The following RBFOX1 variants were observed in gnomAD, a reference collection of about 807,000 sequenced individuals.
The protein encoded by RBFOX1 is RNA binding protein fox-1 homolog 1.
A neutral mutation model predicts 57.7 loss-of-function variants in RBFOX1; 8 were observed. The ratio of observed to expected loss-of-function variants is 0.14; its 90% CI spans 0.08 to 0.25. The LOEUF is 0.25. Among genes scored for constraint, RBFOX1 ranks in the 10% least tolerant of loss-of-function variants. The pLI, the probability that RBFOX1 is intolerant of heterozygous loss-of-function variation, is 1.00. For synonymous variants in RBFOX1, 326 were observed against 222.4 expected (o/e 1.47, Z -4.15); for missense variants, 611 against 548.5 (o/e 1.11, Z -1.14).
intron 3 of RBFOX1, among the ~76,000 whole-genome samples, chr16:7,027,839 G>A (rs1335527953): frequency 6.6e-6 from 1 of 151,632 alleles, no homozygotes; most frequent in Non-Finnish European, 1.5e-5. Context: ...GGTGGAGGAG[G>A]TGGGAGAGAG....
At chr16:7,475,018 A>G (rs139095817) in intron 4 of RBFOX1, among the ~76,000 whole-genome samples, 80 of 152,282 alleles carry the variant, frequency 5.3e-4, no homozygotes, top group African/African-American at 1.4e-3. Context: ...GTTCCACACA[A>G]TCCAGCTGTT....
intron 1 of RBFOX1, among the ~76,000 whole-genome samples, chr16:5,385,394 G>A (rs1026804845): frequency 6.6e-6 from 1 of 152,142 alleles, no homozygotes. Flanking sequence ...CTAATGTATT[G>A]GATTAAAATG....
intron 1 of RBFOX1, among the ~76,000 whole-genome samples, chr16:6,309,273 G>C (rs923326606): frequency 2.6e-5 from 4 of 152,054 alleles, no homozygotes; most frequent in African/African-American, 9.7e-5. Flanking sequence ...TGTTATCTCT[G>C]GCGGGTTCAA....
chr16:5,348,537 G>A (rs1291915242), intron 1 of RBFOX1, among the ~76,000 whole-genome samples: 1 of 152,178 alleles, frequency 6.6e-6, no homozygotes, highest in African/African-American at 2.4e-5. Flanking sequence ...AGAAGTGGAG[G>A]AGCCTGGGTT....
intron 3 of RBFOX1, among the ~76,000 whole-genome samples, chr16:7,029,104 A>G (rs1350108386): frequency 9.5e-6 from 1 of 105,448 alleles, no homozygotes; most frequent in Non-Finnish European, 1.8e-5. Context: ...ACACACACAC[A>G]CACACACACA....
chr16:7,368,098 C>G (rs935479209), intron 4 of RBFOX1, among the ~76,000 whole-genome samples: 6 of 152,004 alleles, frequency 3.9e-5, no homozygotes, highest in African/African-American at 1.2e-4. Flanking sequence ...GAAACCCCAT[C>G]TTTACTAAAA....
At chr16:6,883,831 T>TC (rs1478976238) in intron 3 of RBFOX1, among the ~76,000 whole-genome samples, 10 of 152,150 alleles carry the variant, frequency 6.6e-5, no homozygotes, top group Admixed American at 6.5e-5. Context: ...ATCTCTTTTT[T>TC]CCCCCTAGGA....
intron 2 of RBFOX1, among the ~76,000 whole-genome samples, chr16:5,508,641 G>A (rs990105725): frequency 1.3e-5 from 2 of 152,000 alleles, no homozygotes; most frequent in Admixed American, 6.6e-5. Flanking sequence ...ACTGCACAGA[G>A]CGATTGTACA....
chr16:6,893,855 A>G lies in RBFOX1; in HGVS notation c.-15-158202A>G, dbSNP rs377106214. On this transcript the variant is annotated intron_variant, in intron 3 of 15. Coordinates refer to ENST00000550418, the MANE Select transcript of RBFOX1 (RefSeq NM_018723.4). ...TAATACTTCAGGGCCAATGGAATGAATTGTATGGGGAATAGTTTAGGTTGT... is the reference window on the plus strand; with the variant it reads ...TAATACTTCAGGGCCAATGGAATGAGTTGTATGGGGAATAGTTTAGGTTGT... 1.7e-4 allele frequency among the ~76,000 whole-genome samples: 26 copies of G among 152,294 alleles called. No individual in the cohort carries two copies. In the East Asian group the frequency reaches 3.7e-3, roughly 22 times the overall value.
intron 4 of RBFOX1, among the ~76,000 whole-genome samples, chr16:7,472,516 T>G (rs2061753762): frequency 6.6e-6 from 1 of 152,226 alleles, no homozygotes; most frequent in African/African-American, 2.4e-5. Flanking sequence ...TATGAAAATC[T>G]TTATTTTAGA....
At chr16:6,514,856 A>G (rs1229821377) in intron 2 of RBFOX1, among the ~76,000 whole-genome samples, 1 of 152,054 alleles carries the variant, frequency 6.6e-6, no homozygotes, top group Non-Finnish European at 1.5e-5. Context: ...AGTTTCCAAT[A>G]ATAATGATAA....
At chr16:7,524,442 C>T (rs2078220790) in intron 5 of RBFOX1, among the ~76,000 whole-genome samples, 1 of 152,096 alleles carries the variant, frequency 6.6e-6, no homozygotes, top group South Asian at 2.1e-4. Flanking sequence ...CTGACAGAGC[C>T]AATACTGTAT....
chr16:5,962,619 A>G (rs1050870746), intron 4 of RBFOX1, among the ~76,000 whole-genome samples: 1 of 152,110 alleles, frequency 6.6e-6, no homozygotes, highest in African/African-American at 2.4e-5. Context: ...TCATTCACTG[A>G]GCAAATGTTG....
At chr16:6,801,177 G>GCAAGAAT (rs1470536089) in intron 3 of RBFOX1, among the ~76,000 whole-genome samples, 1 of 145,496 alleles carries the variant, frequency 6.9e-6, no homozygotes, top group Non-Finnish European at 1.5e-5. Context: ...ACTGTGAATG[G>GCAAGAAT]CAAGAATCAA....
At chr16:5,595,239 A>C (rs952265757) in intron 2 of RBFOX1, among the ~76,000 whole-genome samples, 3 of 152,194 alleles carry the variant, frequency 2.0e-5, no homozygotes, top group Admixed American at 2.0e-4. Context: ...ATCACCTTCT[A>C]ATGCCACCTC....
intron 2 of RBFOX1, among the ~76,000 whole-genome samples, chr16:5,598,254 G>A (rs2047253150): frequency 6.6e-6 from 1 of 151,872 alleles, no homozygotes; most frequent in African/African-American, 2.4e-5. Flanking sequence ...AAAAAGTAGT[G>A]CATAGCATTG....
rs546385107 is a variant in RBFOX1, at chr16:7,178,253, A to G, written c.27+126155A>G. Among the ~76,000 whole-genome samples, 276 of 152,364 alleles carry G rather than the reference A, an allele frequency of 1.8e-3. 1 individual carries two copies. The highest frequency in any genetic ancestry group is 3.4e-3 in the Middle Eastern group (1 of 294). ...AGTGATTCAATTTGTCAGAGGCACT[A>G]TCAGCCTGTCGCTTTAGTTTCTGCA... On this transcript the variant is annotated intron_variant, in intron 4 of 15. Transcript: ENST00000550418.
rs2059258558 is a variant in RBFOX1, at chr16:5,940,547, A to C, written c.351+73212A>C. ...TCACAGGGAGGTTTGTAGAATTTTAATGACAGCTTGCTTTGGGAAATTATA... is the reference window on the plus strand; with the variant it reads ...TCACAGGGAGGTTTGTAGAATTTTACTGACAGCTTGCTTTGGGAAATTATA... On this transcript the variant is annotated intron_variant, in intron 4 of 19. Coordinates refer to the RBFOX1 transcript ENST00000641259. Among the ~76,000 whole-genome samples the C allele has an allele frequency of 2.6e-5, 4 of 152,312 alleles. No individual in the cohort carries two copies. The South Asian group carries it at 8.3e-4, about 32-fold the overall frequency.
chr16:6,055,419 C>G (rs1185658773), intron 1 of RBFOX1, among the ~76,000 whole-genome samples: 1 of 151,418 alleles, frequency 6.6e-6, no homozygotes, highest in African/African-American at 2.4e-5. Context: ...ATGGTGAGAC[C>G]CCATCTCTAC....
Sources: gnomAD v4.1 joint callset for allele counts (sites outside exome capture counted in the v4.1 genomes callset) on GRCh38, gnomAD v4.1.1 for gene constraint, MANE v1.5 for transcripts, NCBI Gene and HGNC (gene_info 2026-07-23, HGNC 2026-07-21) for gene names.